CCDC158: variants seen among roughly 807,000 people sequenced by gnomAD.
The protein encoded by CCDC158 is coiled-coil domain containing 158.
CCDC158 carries 116 observed loss-of-function variants against 138.6 expected under a neutral mutation model. The ratio of observed to expected loss-of-function variants is 0.84; its 90% CI spans 0.72 to 0.98. CCDC158 has a LOEUF of 0.98. Among genes scored for constraint, CCDC158 ranks in the 50% least tolerant of loss-of-function variants. CCDC158 has a pLI of 0.00. For missense variants in CCDC158, 1,265 were observed against 1,306.1 expected, an observed-to-expected ratio of 0.97 and a Z score of 0.48; for synonymous variants, 436 against 442.4, an observed-to-expected ratio of 0.99 and a Z score of 0.18.
intron 1 of CCDC158, among the ~76,000 whole-genome samples, chr4:76,417,793 T>C (rs1729815343): frequency 6.6e-6 from 1 of 151,958 alleles, no homozygotes; most frequent in African/African-American, 2.4e-5. Context: ...CAGAAAGGGG[T>C]CAGCCTCACA....
chr4:76,323,880 T>C (rs1170913791), intron 23 of CCDC158, among the ~76,000 whole-genome samples: 2 of 152,216 alleles, frequency 1.3e-5, no homozygotes, highest in African/African-American at 2.4e-5. Context: ...TATTGTATGA[T>C]GGCAGAGGGT....
At chr4:76,387,591 G>C (rs1039379363) in intron 4 of CCDC158, among the ~76,000 whole-genome samples, 2 of 152,104 alleles carry the variant, frequency 1.3e-5, no homozygotes, top group East Asian at 3.9e-4. Context: ...TTGGGAGGCT[G>C]AAGTGGGCGG....
At chr4:76,323,067 C>T (rs1032983275) in intron 24 of CCDC158, among the ~76,000 whole-genome samples, 5 of 152,104 alleles carry the variant, frequency 3.3e-5, no homozygotes, top group East Asian at 1.9e-4. Context: ...GAGGGATGGC[C>T]GGCAGGATTG....
At chr4:76,351,260 A>G in intron 17 of CCDC158, 139 bp from the exon 18 acceptor site, 1 of 771,772 alleles carries the variant, frequency 1.3e-6, no homozygotes, top group Non-Finnish European at 2.0e-6. Context: ...TTTAAAGTAC[A>G]CTTCTTAAAA....
chr4:76,333,698 C>G (rs1403107793), intron 19 of CCDC158, among the ~76,000 whole-genome samples: 1 of 152,114 alleles, frequency 6.6e-6, no homozygotes, highest in Non-Finnish European at 1.5e-5. Flanking sequence ...TAAATAAACC[C>G]TGCTCTGCCT....
chr4:76,390,980 A>T (rs1275841208), intron 4 of CCDC158, among the ~76,000 whole-genome samples: 1 of 152,108 alleles, frequency 6.6e-6, no homozygotes, highest in African/African-American at 2.4e-5. Context: ...CCAGATATAT[A>T]AAGCAAATAT....
intron 15 of CCDC158, among the ~76,000 whole-genome samples, 168 bp from the exon 16 acceptor site, chr4:76,353,449 T>C (rs1187579344): frequency 6.6e-6 from 1 of 152,220 alleles, no homozygotes; most frequent in Non-Finnish European, 1.5e-5. Context: ...GAGTATGTTA[T>C]TATGTACTCT....
intron 18 of CCDC158, among the ~76,000 whole-genome samples, chr4:76,340,338 G>A (rs1176308458): frequency 6.6e-6 from 1 of 152,146 alleles, no homozygotes; most frequent in Non-Finnish European, 1.5e-5. Context: ...AACCACAAAA[G>A]GCCCCCAAAC....
At position 76,367,656 on chromosome 4, in the gene CCDC158, T is replaced by G. The variant is rs764120002; in HGVS notation, c.1468A>C (p.Thr490Pro). 6.2e-7 allele frequency: 1 copy of G among 1,614,154 alleles called. No homozygotes were observed. ...ATTGTCCTCTCTGAGCTCTCCAGAG[T>G]CATTTTCTTGGCTGTCAACTCTTCT... ...VVEELTAKKM[T>P]LESSERTISD... The change falls in exon 12 of 25, where the codon ACT becomes CCT. Residue 490 changes from threonine to proline, a missense_variant. Physicochemically the swap from Thr to Pro is conservative, Grantham distance 38 (BLOSUM62 -1). Coordinates refer to ENST00000682701, the MANE Select transcript of CCDC158 (RefSeq NM_001394954.1).
intron 21 of CCDC158, among the ~76,000 whole-genome samples, chr4:76,330,224 C>T (rs1208590787): frequency 6.6e-6 from 1 of 151,996 alleles, no homozygotes; most frequent in African/African-American, 2.4e-5. Flanking sequence ...GGCTCAGGAG[C>T]CAGCTAAACC....
chr4:76,373,334 C>T (rs1182556105), intron 9 of CCDC158, among the ~76,000 whole-genome samples: 1 of 152,206 alleles, frequency 6.6e-6, no homozygotes, highest in Non-Finnish European at 1.5e-5. Flanking sequence ...TAGGTATCTA[C>T]ATTACTATTT....
intron 8 of CCDC158, 73 bp from the exon 9 acceptor site, chr4:76,379,477 C>G: frequency 1.4e-6 from 1 of 738,556 alleles, no homozygotes; most frequent in Non-Finnish European, 2.1e-6. Flanking sequence ...AGTATTCTAG[C>G]TTTTTGACAC....
upstream of CCDC158, among the ~76,000 whole-genome samples, chr4:76,421,263 G>C (rs1159731891): frequency 6.6e-6 from 1 of 152,004 alleles, no homozygotes; most frequent in Non-Finnish European, 1.5e-5. Context: ...GAGGAGGGGG[G>C]TGCTCGGCAG....
At position 76,323,233 on chromosome 4, in the gene CCDC158, G is replaced by A. The variant is rs1367757131; in HGVS notation, c.3277+69C>T. On this transcript the variant is annotated intron_variant, in intron 24 of 24. Transcript: ENST00000682701. ...CCTTTCAGCAGGTCTATAGACAGGA[G>A]GCTTAATCTGAAAAGAAGGTGAACA... is the stretch of plus-strand genomic sequence containing the variant. 11 of 1,123,130 alleles carry A rather than the reference G, an allele frequency of 9.8e-6. No individual in the cohort carries two copies. In the Admixed American group the frequency reaches 1.6e-4, roughly 16 times the overall value. 69.6% of individuals were successfully genotyped at this position (1,123,130 alleles called of 1,614,324 possible).
intron 13 of CCDC158, among the ~76,000 whole-genome samples, chr4:76,361,489 G>A (rs1424891146): frequency 1.3e-5 from 2 of 152,208 alleles, no homozygotes. Flanking sequence ...ATGAACCCGG[G>A]AGGCGGAGCT....
Position 76,379,339 on chromosome 4 carries a change from G to A in CCDC158, c.980C>T (p.Ser327Phe). The A allele has an allele frequency of 6.2e-7, 1 of 1,610,460 alleles. No homozygotes were observed. The highest frequency in any genetic ancestry group is 8.5e-7 in the Non-Finnish European group (1 of 1,178,880). ...TTCCCTTAATTCAGAACGTAGCTGA[G>A]AAACAGTAGATTCCAGATCGCTGAG... ...RQLSDLESTV[S>F]QLRSELREAK... The change falls in exon 9 of 25, where the codon TCT becomes TTT. Residue 327 changes from serine (S) to phenylalanine (F), a missense_variant. Ser to Phe is a radical substitution (Grantham distance 155, BLOSUM62 -2). Coordinates refer to ENST00000682701, the MANE Select transcript of CCDC158 (RefSeq NM_001394954.1).
chr4:76,357,263 C>T (rs898929526), intron 14 of CCDC158, 111 bp downstream of exon 14: 2 of 587,362 alleles, frequency 3.4e-6, no homozygotes, highest in Non-Finnish European at 5.4e-6. Flanking sequence ...TTTCTTACAT[C>T]ATTTAGCACT....
At position 76,369,843 on chromosome 4, in the gene CCDC158, G is replaced by A. The variant is rs956234470; in HGVS notation, c.1150-220C>T. The stretch of plus-strand genomic sequence containing the variant: ...ATTACTAGTCTATCTCGAGGGACTA[G>A]ACCTCAAATAATATACAATGAAAAG... On this transcript the variant is annotated intron_variant, in intron 10 of 24. Coordinates refer to ENST00000682701, the MANE Select transcript of CCDC158 (RefSeq NM_001394954.1). 3.3e-5 allele frequency among the ~76,000 whole-genome samples: 5 copies of A among 152,210 alleles called. No individual in the cohort carries two copies. The South Asian group carries it at 1.0e-3, about 32-fold the overall frequency.
chr4:76,357,524 C>G lies in CCDC158; in HGVS notation c.2023G>C (p.Glu675Gln), dbSNP rs1367517474. 1 of 1,539,482 alleles carries G rather than the reference C, an allele frequency of 6.5e-7. No homozygotes were observed. Among genetic ancestry groups the G allele is most frequent in the Admixed American group, 2.0e-5 (1 of 50,194 alleles). ...AAATTCCTTTTTAAGACTTCATACT[C>G]CTCTATACAATGTGATAATCAATAA... Reference protein sequence around the residue: ...SRSELNNLSEEYEVLKRNFRN... With the variant: ...SRSELNNLSEQYEVLKRNFRN... The change falls in exon 14 of 25, where the codon GAG becomes CAG. Residue 675 changes from glutamate (E) to glutamine (Q), a missense_variant and splice_region_variant. By Grantham distance (29) the Glu-to-Gln change is conservative (BLOSUM62 2). Transcript: ENST00000682701.
Sources: gnomAD v4.1 joint callset for allele counts (sites outside exome capture counted in the v4.1 genomes callset) on GRCh38, gnomAD v4.1.1 for gene constraint, MANE v1.5 for transcripts, NCBI Gene and HGNC (gene_info 2026-07-23, HGNC 2026-07-21) for gene names.